Variants in PDE4D observed in about 807,000 individuals in gnomAD.
PDE4D encodes 3',5'-cyclic-AMP phosphodiesterase 4D.
In PDE4D, 24 loss-of-function variants were observed where a neutral mutation model predicts 87.4. The observed-to-expected ratio is 0.27, with a 90% CI of 0.20 to 0.39. PDE4D has a LOEUF of 0.39. Ranked by LOEUF, PDE4D falls within the 10% of genes least tolerant of loss-of-function variation. PDE4D has a pLI of 1.00. For synonymous variants in PDE4D, 384 were observed against 383.2 expected, an observed-to-expected ratio of 1.00 and a Z score of -0.02; for missense variants, 714 against 1,041.0, an observed-to-expected ratio of 0.69 and a Z score of 4.32.
intron 5 of PDE4D, among the ~76,000 whole-genome samples, chr5:59,078,940 C>T (rs1397255872): frequency 9.9e-5 from 15 of 152,160 alleles, no homozygotes; most frequent in Non-Finnish European, 1.6e-4. Flanking sequence ...TCCTCTCTCT[C>T]TCCCAATCTG....
intron 1 of PDE4D, among the ~76,000 whole-genome samples, chr5:59,775,374 CTA>C (rs1763975037): frequency 6.6e-6 from 1 of 152,106 alleles, no homozygotes; most frequent in East Asian, 1.9e-4. Context: ...AAAAAAATAA[CTA>C]GATGTAAGTG....
intron 1 of PDE4D, among the ~76,000 whole-genome samples, chr5:59,668,736 A>AAAG (rs141881917): frequency 0.058 from 5,504 of 94,554 alleles, 862 homozygotes; most frequent in African/African-American, 0.18. Flanking sequence ...GAAGAAGAAG[A>AAAG]AAGAAGAAGA....
At chr5:59,896,927 C>A (rs1353920268), upstream of PDE4D, among the ~76,000 whole-genome samples, 4 of 152,242 alleles carry the variant, frequency 2.6e-5, no homozygotes, top group East Asian at 7.7e-4. Context: ...GTAAAATATT[C>A]CATCTACCCA....
At chr5:60,455,066 C>G (rs1308052230) in intron 1 of PDE4D, among the ~76,000 whole-genome samples, 1 of 151,834 alleles carries the variant, frequency 6.6e-6, no homozygotes, top group East Asian at 1.9e-4. Context: ...AGTAAGAGAG[C>G]TAAAGAAGAG....
intron 5 of PDE4D, among the ~76,000 whole-genome samples, chr5:59,045,509 C>T (rs977400590): frequency 5.6e-5 from 8 of 142,178 alleles, no homozygotes; most frequent in Admixed American, 2.3e-4. Flanking sequence ...GCAGAGGTTG[C>T]GCCATTGCAC....
Position 59,809,275 on chromosome 5 carries a change from TA to T in PDE4D, c.455+83892del, listed in dbSNP as rs1290255551. On this transcript the variant is annotated intron_variant, in intron 1 of 14. Transcript: ENST00000340635. ...AGAGCACCACCATTTTCAAAATTATTAAGGAAAAATCACATCTAAATTAAGC... is the reference window on the plus strand; with the variant it reads ...AGAGCACCACCATTTTCAAAATTATTAGGAAAAATCACATCTAAATTAAGC... Among the ~76,000 whole-genome samples the T allele has an allele frequency of 2.0e-5, 3 of 152,106 alleles. 1 individual carries two copies. Among genetic ancestry groups the T allele is most frequent in the Non-Finnish European group, 4.4e-5 (3 of 68,036 alleles).
chr5:59,266,010 T>C (rs1267841720), intron 1 of PDE4D, among the ~76,000 whole-genome samples: 1 of 152,098 alleles, frequency 6.6e-6, no homozygotes, highest in African/African-American at 2.4e-5. Flanking sequence ...TATAGCTCAA[T>C]ACAAATTATA....
At chr5:60,059,379 T>G (rs1267222807) in intron 2 of PDE4D, among the ~76,000 whole-genome samples, 1 of 151,988 alleles carries the variant, frequency 6.6e-6, no homozygotes, top group Non-Finnish European at 1.5e-5. Flanking sequence ...TATATTTCCC[T>G]GATGAATCTG....
intron 5 of PDE4D, among the ~76,000 whole-genome samples, chr5:59,102,253 A>AT (rs1455473139): frequency 6.6e-6 from 1 of 151,572 alleles, no homozygotes; most frequent in African/African-American, 2.4e-5. Context: ...CTCCTGGCTA[A>AT]TTTTTTATTT....
At chr5:59,444,637 C>A (rs1056664183) in intron 1 of PDE4D, among the ~76,000 whole-genome samples, 6 of 152,150 alleles carry the variant, frequency 3.9e-5, no homozygotes, top group African/African-American at 9.6e-5. Flanking sequence ...ACGGTGAAAC[C>A]CCGTCTCTAC....
chr5:59,186,946 C>T (rs1243709349), intron 3 of PDE4D, among the ~76,000 whole-genome samples: 1 of 152,114 alleles, frequency 6.6e-6, no homozygotes, highest in Non-Finnish European at 1.5e-5. Flanking sequence ...ATCATGCAGG[C>T]TTAATTTATG....
At chr5:59,053,638 G>GTTTTTTGT (rs1761881162) in intron 5 of PDE4D, among the ~76,000 whole-genome samples, 1 of 84,702 alleles carries the variant, frequency 1.2e-5, no homozygotes, top group East Asian at 9.2e-4. Flanking sequence ...AAGTTGTTTT[G>GTTTTTTGT]TTTTTTGTTT....
intron 2 of PDE4D, among the ~76,000 whole-genome samples, chr5:60,131,039 C>T (rs551816121): frequency 6.6e-6 from 1 of 152,294 alleles, no homozygotes; most frequent in Admixed American, 6.5e-5. Flanking sequence ...TAGTAGGCCA[C>T]TCAGAGAAGG....
At chr5:59,105,015 A>G (rs1771357851) in intron 5 of PDE4D, among the ~76,000 whole-genome samples, 1 of 152,220 alleles carries the variant, frequency 6.6e-6, no homozygotes, top group Non-Finnish European at 1.5e-5. Flanking sequence ...GACAGAAGCC[A>G]ATTATTCTTG....
chr5:60,104,482 C>A (rs1201674709), intron 2 of PDE4D, among the ~76,000 whole-genome samples: 1 of 152,318 alleles, frequency 6.6e-6, no homozygotes, highest in African/African-American at 2.4e-5. Context: ...CTTAAATGTC[C>A]CTGTCTGACA....
At chr5:60,395,868 A>G (rs187832996) in intron 1 of PDE4D, among the ~76,000 whole-genome samples, 1 of 151,910 alleles carries the variant, frequency 6.6e-6, no homozygotes, top group African/African-American at 2.4e-5. Context: ...TGAGCCCCCT[A>G]ACCAATATCA....
chr5:59,312,479 A>T (rs1313665575), intron 1 of PDE4D, among the ~76,000 whole-genome samples: 1 of 152,186 alleles, frequency 6.6e-6, no homozygotes, highest in Non-Finnish European at 1.5e-5. Context: ...TGTGTCTAAT[A>T]GAGGTAATAA....
intron 1 of PDE4D, among the ~76,000 whole-genome samples, chr5:59,437,389 A>G (rs1373720281): frequency 6.6e-6 from 1 of 152,234 alleles, no homozygotes; most frequent in African/African-American, 2.4e-5. Context: ...ACGGTTGCCA[A>G]TATTCAGCTG....
At position 59,366,885 on chromosome 5, in the gene PDE4D, T is replaced by C. The variant is rs146421500; in HGVS notation, c.456-150917A>G. ...ATTTGAAATGCAGGTCAAGGTCAGA[T>C]GACATTACAAGAGTGACAGAGAAAA... On this transcript the variant is annotated intron_variant, in intron 1 of 14. Coordinates refer to ENST00000340635, the MANE Select transcript of PDE4D (RefSeq NM_001104631.2). 3.6e-3 allele frequency among the ~76,000 whole-genome samples: 543 copies of C among 152,300 alleles called. 4 individuals carry two copies. The highest frequency in any genetic ancestry group is 0.031 in the Middle Eastern group (9 of 294).
Sources: gnomAD v4.1 joint callset for allele counts (sites outside exome capture counted in the v4.1 genomes callset) on GRCh38, gnomAD v4.1.1 for gene constraint, MANE v1.5 for transcripts, NCBI Gene and HGNC (gene_info 2026-07-23, HGNC 2026-07-21) for gene names.